PPARGC1A: variants seen among roughly 807,000 people sequenced by gnomAD.
The protein encoded by PPARGC1A is PPARG coactivator 1 alpha, also known as peroxisome proliferator-activated receptor gamma coactivator 1-alpha.
In PPARGC1A, 25 loss-of-function variants were observed where a neutral mutation model predicts 88.7. That is an observed-to-expected ratio of 0.28 (90% CI 0.21 to 0.39). The LOEUF is 0.39. PPARGC1A is among the 10% of genes least tolerant of loss of function. PPARGC1A has a pLI of 1.00. For missense variants in PPARGC1A, 880 were observed against 968.7 expected (o/e 0.91, Z 1.22); for synonymous variants, 363 against 355.6 (o/e 1.02, Z -0.24).
chr4:23,828,954 A>G (rs767855703), intron 4 of PPARGC1A, among the ~76,000 whole-genome samples: 9 of 152,308 alleles, frequency 5.9e-5, no homozygotes, highest in Non-Finnish European at 1.3e-4. Flanking sequence ...AACTCTCTTA[A>G]GTACCCCTTA....
the PPARGC1A span, among the ~76,000 whole-genome samples, chr4:24,400,066 G>A: frequency 5.3e-5 from 8 of 152,168 alleles, no homozygotes; most frequent in African/African-American, 1.9e-4. Context: ...AATTACAGGT[G>A]TGAGCCACCA....
the PPARGC1A span, among the ~76,000 whole-genome samples, chr4:24,068,723 A>G: frequency 6.6e-6 from 1 of 152,230 alleles, no homozygotes; most frequent in African/African-American, 2.4e-5. Context: ...GTCATAGCCC[A>G]GACAGACTGA....
At chr4:24,331,603 ATT>A in the PPARGC1A span, among the ~76,000 whole-genome samples, 1 of 152,148 alleles carries the variant, frequency 6.6e-6, no homozygotes, top group Non-Finnish European at 1.5e-5. Context: ...ATATTTGTTG[ATT>A]GAATCTTCAC....
the PPARGC1A span, among the ~76,000 whole-genome samples, chr4:24,348,364 A>G: frequency 3.9e-5 from 6 of 152,330 alleles, no homozygotes; most frequent in East Asian, 1.2e-3. Context: ...CTCACAACCC[A>G]GGGAAGTTTT....
chr4:24,024,188 A>C, the PPARGC1A span, among the ~76,000 whole-genome samples: 1,221 of 152,318 alleles, frequency 8.0e-3, 7 homozygotes, highest in Non-Finnish European at 0.011. Context: ...TGCCAGGATT[A>C]GCATTTACAA....
Position 23,802,326 on chromosome 4 carries a change from T to C in PPARGC1A, c.2039A>G (p.Tyr680Cys), listed in dbSNP as rs751898840. The stretch of plus-strand genomic sequence containing the variant: ...TGTGTCAGGTCTGATTTTACCGACA[T>C]AAATCACACGGCGCTCTTCCTATGG... Reference protein sequence around the residue: ...QKAIEERRVIYVGKIRPDTTR... With the variant: ...QKAIEERRVICVGKIRPDTTR... Residue 680 changes from tyrosine to cysteine, a missense_variant, in exon 11 of 13, where the codon TAT (tyrosine) becomes TGT (cysteine). Transcript: ENST00000264867. The C allele has an allele frequency of 9.3e-6, 15 of 1,613,890 alleles. No homozygotes were observed. The Admixed American group carries it at 2.5e-4, about 27-fold the overall frequency.
At position 23,829,530 on chromosome 4, in the gene PPARGC1A, C is replaced by T. The variant is rs943455390; in HGVS notation, c.485G>A (p.Ser162Asn). 1.2e-6 allele frequency: 2 copies of T among 1,613,246 alleles called. No individual in the cohort carries two copies. Among genetic ancestry groups the T allele is most frequent in the African/African-American group, 2.7e-5 (2 of 74,912 alleles). Residue 162 changes from serine to asparagine, a missense_variant, in exon 4 of 13, where the codon AGT becomes AAT. Ser to Asn is a conservative substitution (Grantham distance 46). Coordinates refer to ENST00000264867, the MANE Select transcript of PPARGC1A (RefSeq NM_013261.5). ...TGCATGGTTCTGGGTACTGAGACCACTGCATTCATTATAACTTAGCTGAGT... is the reference window on the plus strand; with the variant it reads ...TGCATGGTTCTGGGTACTGAGACCATTGCATTCATTATAACTTAGCTGAGT... ...ANTQLSYNEC[S>N]GLSTQNHANH...
At chr4:23,852,332 T>G (rs1330457120) in intron 2 of PPARGC1A, among the ~76,000 whole-genome samples, 1 of 152,122 alleles carries the variant, frequency 6.6e-6, no homozygotes, top group Middle Eastern at 3.2e-3. Context: ...TTTCTGCTTT[T>G]AAAAAATAAA....
chr4:23,925,543 G>A, the PPARGC1A span, among the ~76,000 whole-genome samples: 2 of 152,160 alleles, frequency 1.3e-5, no homozygotes, highest in African/African-American at 4.8e-5. Context: ...AAAAGAGATT[G>A]AGGACAAACA....
At chr4:24,039,961 A>T in the PPARGC1A span, among the ~76,000 whole-genome samples, 1 of 152,132 alleles carries the variant, frequency 6.6e-6, no homozygotes, top group African/African-American at 2.4e-5. Flanking sequence ...CTCAATATCT[A>T]ACCAACCATT....
At chr4:23,971,876 G>C in the PPARGC1A span, among the ~76,000 whole-genome samples, 1 of 152,080 alleles carries the variant, frequency 6.6e-6, no homozygotes, top group African/African-American at 2.4e-5. Flanking sequence ...TGGACCCCCA[G>C]ACCATGTGTT....
the PPARGC1A span, among the ~76,000 whole-genome samples, chr4:23,930,741 A>G: frequency 1.3e-5 from 2 of 152,194 alleles, no homozygotes; most frequent in Non-Finnish European, 2.9e-5. Context: ...ACATGCAGGA[A>G]AGTGATCCTG....
chr4:24,470,781 C>T, the PPARGC1A span, among the ~76,000 whole-genome samples: 1 of 151,482 alleles, frequency 6.6e-6, no homozygotes, highest in African/African-American at 2.4e-5. This position sits in a 1 kb window ranked among gnomAD's most constrained non-coding sequence, Gnocchi z 5.8. Context: ...GCTGCCGCGG[C>T]GGCGGGAGCC....
chr4:24,061,607 C>A, the PPARGC1A span, among the ~76,000 whole-genome samples: 1 of 152,202 alleles, frequency 6.6e-6, no homozygotes. Context: ...AGCAATAGAA[C>A]TATGGGGAAG....
At chr4:24,280,853 C>G in the PPARGC1A span, among the ~76,000 whole-genome samples, 1 of 152,216 alleles carries the variant, frequency 6.6e-6, no homozygotes, top group Non-Finnish European at 1.5e-5. Context: ...TTCTCAACAG[C>G]AACTTCTTGC....
chr4:23,834,894 T>C (rs371296592), intron 2 of PPARGC1A, among the ~76,000 whole-genome samples: 21 of 152,258 alleles, frequency 1.4e-4, no homozygotes, highest in East Asian at 1.4e-3. Context: ...TAAAAAATCA[T>C]CTCAAAGTCA....
the PPARGC1A span, among the ~76,000 whole-genome samples, chr4:23,984,896 C>A: frequency 6.6e-6 from 1 of 152,032 alleles, no homozygotes; most frequent in Non-Finnish European, 1.5e-5. Context: ...ATGTAGAGAG[C>A]AATTTCCCCA....
At chr4:24,227,840 T>C in the PPARGC1A span, among the ~76,000 whole-genome samples, 1 of 152,184 alleles carries the variant, frequency 6.6e-6, no homozygotes. Context: ...CCCGAATTGT[T>C]GGGGCACAAA....
At chr4:24,068,868 T>C in the PPARGC1A span, among the ~76,000 whole-genome samples, 1 of 152,188 alleles carries the variant, frequency 6.6e-6, no homozygotes, top group African/African-American at 2.4e-5. Context: ...GGTACCATCA[T>C]GGCACCTCCT....
Sources: allele counts gnomAD v4.1 joint callset (sites outside exome capture counted in the v4.1 genomes callset), GRCh38; gene constraint gnomAD v4.1.1; non-coding constraint Gnocchi (gnomAD v3.1); transcripts MANE v1.5; gene names NCBI Gene and HGNC (gene_info 2026-07-23, HGNC 2026-07-21).